CCDC136: variants seen among roughly 807,000 people sequenced by gnomAD.
CCDC136 encodes the protein coiled-coil domain-containing protein 136.
A neutral mutation model predicts 141.2 loss-of-function variants in CCDC136; 100 were observed. That is an observed-to-expected ratio of 0.71 (90% CI 0.60 to 0.84). CCDC136 has a LOEUF of 0.84. CCDC136 is among the 40% of genes least tolerant of loss of function. The pLI, the probability that CCDC136 is intolerant of heterozygous loss-of-function variation, is 0.00. For missense variants in CCDC136, 1,206 were observed against 1,379.4 expected (o/e 0.87, Z 1.99); for synonymous variants, 474 against 531.9 (o/e 0.89, Z 1.50).
chr7:128,814,540 GAC>G lies in CCDC136; in HGVS notation c.2764-96_2764-95del, dbSNP rs534969418. On this transcript the variant is annotated intron_variant, in intron 14 of 17. Transcript: ENST00000297788. Reference sequence around the variant, plus strand: ...TGGGCTTTAACAGGGAGATTTCTGAGACAGTGACCCCCAAGCAGGGCTGAGTT... The same window carrying G: ...TGGGCTTTAACAGGGAGATTTCTGAGAGTGACCCCCAAGCAGGGCTGAGTT... 55 of 870,528 alleles carry G rather than the reference GAC, an allele frequency of 6.3e-5. 1 individual carries two copies. The South Asian group carries it at 1.1e-3, about 17-fold the overall frequency. The allele number at this position is 870,528 out of a possible 1,614,324, so 53.9% of individuals were successfully genotyped here.
At chr7:128,791,407 C>T, upstream of CCDC136, 2 of 995,084 alleles carry the variant, frequency 2.0e-6, no homozygotes, top group Non-Finnish European at 2.6e-6. The surrounding 1 kb of genome is among the most constrained non-coding windows in gnomAD (Gnocchi z 7.1). Context: ...TCCGCCCTCC[C>T]TCCCTCCCTG....
chr7:128,806,432 C>T (rs1804850081), intron 8 of CCDC136, 37 bp downstream of exon 8: 2 of 1,551,560 alleles, frequency 1.3e-6, no homozygotes, highest in Admixed American at 1.9e-5. Context: ...AACTTAGGTG[C>T]TAAGGGCATC....
At chr7:128,820,815 C>T (rs1479072397) in intron 17 of CCDC136, among the ~76,000 whole-genome samples, 1 of 152,172 alleles carries the variant, frequency 6.6e-6, no homozygotes, top group Admixed American at 6.5e-5. Context: ...TTCTTAGTAG[C>T]TATTTCTATA....
At chr7:128,799,172 T>TAAAAAAAA (rs35342890) in intron 3 of CCDC136, among the ~76,000 whole-genome samples, 1 of 51,314 alleles carries the variant, frequency 1.9e-5, no homozygotes, top group Non-Finnish European at 3.4e-5. Flanking sequence ...ATCTCTACAT[T>TAAAAAAAA]AAAAAAAAAA....
rs774253941 is a variant in CCDC136, at chr7:128,817,779, C to G, written c.3385C>G (p.Pro1129Ala). 1 of 1,613,878 alleles carries G rather than the reference C, an allele frequency of 6.2e-7. No homozygotes were observed. Among genetic ancestry groups the G allele is most frequent in the South Asian group, 1.1e-5 (1 of 91,078 alleles). ...GCAGTCATCCCCTACCCCCAATCCC[C>G]CCATCTTCTCCTTGCCTCTTGTAGG... ...SKKSSPTPNP[P>A]IFSLPLVGLV... The change falls in exon 17 of 18, where the codon CCC becomes GCC. Residue 1129 changes from proline (P) to alanine (A), a missense_variant. Physicochemically the swap from Pro to Ala is conservative, Grantham distance 27. Coordinates refer to ENST00000297788, the MANE Select transcript of CCDC136 (RefSeq NM_022742.5). The surrounding 1 kb of genome is among the most constrained non-coding windows in gnomAD (Gnocchi z 4.6).
rs1804917200 is a variant in CCDC136, at chr7:128,806,799, G to A, written c.1360G>A (p.Glu454Lys). The change falls in exon 9 of 18, where the codon GAG (glutamate) becomes AAG (lysine). Residue 454 changes from glutamate to lysine, a missense_variant. Transcript: ENST00000297788. Reference protein sequence around the residue: ...QQLQEELQCHEAELQHLRDTV... With the variant: ...QQLQEELQCHKAELQHLRDTV... ...GCTGCAGGAGGAGCTGCAGTGCCAT[G>A]AGGCAGAGCTGCAGCACCTCAGGGA... 1 of 1,612,674 alleles carries A rather than the reference G, an allele frequency of 6.2e-7. No individual in the cohort carries two copies. The highest frequency in any genetic ancestry group is 1.3e-5 in the African/African-American group (1 of 75,050).
intron 15 of CCDC136, 60 bp from the exon 16 acceptor site, chr7:128,815,554 A>G: frequency 6.7e-7 from 1 of 1,486,310 alleles, no homozygotes; most frequent in South Asian, 1.4e-5. Context: ...CAGCATTGTC[A>G]TGAGATTAGG....
intron 4 of CCDC136, among the ~76,000 whole-genome samples, chr7:128,801,743 C>T (rs1202529550): frequency 6.6e-6 from 1 of 151,896 alleles, no homozygotes; most frequent in Non-Finnish European, 1.5e-5. Context: ...GCAGCCTGGG[C>T]AATGAAGTGA....
At position 128,812,711 on chromosome 7, in the gene CCDC136, T is replaced by C; in HGVS notation, c.2545T>C (p.Phe849Leu). Residue 849 changes from phenylalanine (F) to leucine (L), a missense_variant, in exon 14 of 18, where the codon TTT (phenylalanine) becomes CTT (leucine). Phe to Leu is a conservative substitution (Grantham distance 22). Transcript: ENST00000297788. ...GTTGCTCCCCCACCCCCCGCAGCGC[T>C]TTGAGGAAATGGTTGTGAAAGTGCT... Reference protein sequence around the residue: ...EPAEPEDMERFEEMVVKVLIK... With the variant: ...EPAEPEDMERLEEMVVKVLIK... 6.2e-7 allele frequency: 1 copy of C among 1,611,928 alleles called. No individual in the cohort carries two copies. Among genetic ancestry groups the C allele is most frequent in the Non-Finnish European group, 8.5e-7 (1 of 1,179,368 alleles).
chr7:128,810,192 C>G lies in CCDC136; in HGVS notation c.1854C>G (p.Tyr618Ter), dbSNP rs1476337213. ...LEDLCELQLL[Y>*]QGMQEEQKKL... ...ACCTGTGTGAGCTGCAGCTGCTCTACCAAGGCATGCAGGAGGAACAGAAGA... is the reference window on the plus strand; with the variant it reads ...ACCTGTGTGAGCTGCAGCTGCTCTAGCAAGGCATGCAGGAGGAACAGAAGA... Residue 618 changes from tyrosine (Y) to a stop codon, truncating the protein, a stop_gained, in exon 12 of 18, where the codon TAC becomes TAG. Coordinates refer to ENST00000297788, the MANE Select transcript of CCDC136 (RefSeq NM_022742.5). LOFTEE classifies it high-confidence loss of function. 1.2e-6 allele frequency: 2 copies of G among 1,608,854 alleles called. No individual in the cohort carries two copies. Among genetic ancestry groups the G allele is most frequent in the Admixed American group, 3.4e-5 (2 of 59,180 alleles).
intron 16 of CCDC136, 74 bp downstream of exon 16, chr7:128,816,005 C>G: frequency 1.4e-6 from 2 of 1,448,726 alleles, no homozygotes; most frequent in Non-Finnish European, 1.9e-6. Context: ...TAATGGGTGG[C>G]CCTGCCAAGG....
At chr7:128,796,739 A>ATATATATATATATATATATATAT in intron 3 of CCDC136, among the ~76,000 whole-genome samples, 1 of 113,382 alleles carries the variant, frequency 8.8e-6, no homozygotes, top group African/African-American at 4.6e-5. Context: ...ATATATATAT[A>ATATATATATATATATATATATAT]TTCTTTTTTT....
Position 128,822,005 on chromosome 7 carries a change from C to A in CCDC136, c.*212C>A. The A allele has an allele frequency of 8.0e-7, 1 of 1,252,526 alleles. No homozygotes were observed. 77.6% of individuals were successfully genotyped at this position (1,252,526 alleles called of 1,614,324 possible). ...GTGCCAGAACCCTCCCCATATGTTC[C>A]ATGTGTCCCCATCTCCTCAGCCTCA... On this transcript the variant is annotated 3_prime_UTR_variant, in exon 18 of 18. Transcript: ENST00000297788.
chr7:128,814,013 A>G (rs1806181715), intron 14 of CCDC136, among the ~76,000 whole-genome samples: 1 of 152,100 alleles, frequency 6.6e-6, no homozygotes, highest in African/African-American at 2.4e-5. Context: ...TAAATCCCTG[A>G]GGTTCAGAAT....
Position 128,822,130 on chromosome 7 carries a change from A to C in CCDC136, c.*337A>C. The C allele has an allele frequency of 8.6e-7, 1 of 1,166,764 alleles. No homozygotes were observed. The highest frequency in any genetic ancestry group is 1.1e-6 in the Non-Finnish European group (1 of 926,286). The allele number at this position is 1,166,764 out of a possible 1,614,324, so 72.3% of individuals were successfully genotyped here. On this transcript the variant is annotated 3_prime_UTR_variant, in exon 18 of 18. Coordinates refer to ENST00000297788, the MANE Select transcript of CCDC136 (RefSeq NM_022742.5). ...TGTAATTAAATATCAACTGAATTAC[A>C]TGAGACTGTGGATTTTTATTTGCTA... is the stretch of plus-strand genomic sequence containing the variant.
At chr7:128,807,009 G>T (rs1804963828) in intron 9 of CCDC136, among the ~76,000 whole-genome samples, 151 bp downstream of exon 9, 1 of 152,154 alleles carries the variant, frequency 6.6e-6, no homozygotes, top group Non-Finnish European at 1.5e-5. Flanking sequence ...ACCTCGGGGA[G>T]TCACAAGGCT....
chr7:128,817,721 TCTC>T lies in CCDC136; in HGVS notation c.3364-33_3364-31del, dbSNP rs1806847961. 7.2e-7 allele frequency: 1 copy of T among 1,392,674 alleles called. No homozygotes were observed. The highest frequency in any genetic ancestry group is 1.0e-6 in the Non-Finnish European group (1 of 978,098). The allele number at this position is 1,392,674 out of a possible 1,614,324, so 86.3% of individuals were successfully genotyped here. The stretch of plus-strand genomic sequence containing the variant: ...CGTTTATGTCTCACATCTCCTGGTC[TCTC>T]CTCGTGCTTCTTTCTCATTTTGGTG... On this transcript the variant is annotated intron_variant, in intron 16 of 17. Transcript: ENST00000297788. This position sits in a 1 kb window ranked among gnomAD's most constrained non-coding sequence, Gnocchi z 4.6.
chr7:128,805,189 G>T lies in CCDC136; in HGVS notation c.783-170G>T, dbSNP rs1453239616. On this transcript the variant is annotated intron_variant, in intron 5 of 17. Coordinates refer to ENST00000297788, the MANE Select transcript of CCDC136 (RefSeq NM_022742.5). The surrounding 1 kb of genome is among the most constrained non-coding windows in gnomAD (Gnocchi z 4.6). ...CCAAACACACCTTTGCAGATTGAGG[G>T]GCTGGAGACTTTCTGTAGTCTTTTA... 6.6e-6 allele frequency among the ~76,000 whole-genome samples: 1 copy of T among 152,086 alleles called. No individual in the cohort carries two copies. The highest frequency in any genetic ancestry group is 2.4e-5 in the African/African-American group (1 of 41,376).
chr7:128,798,485 CAA>C (rs368099565), intron 3 of CCDC136, among the ~76,000 whole-genome samples: 1 of 151,918 alleles, frequency 6.6e-6, no homozygotes, highest in African/African-American at 2.4e-5. Flanking sequence ...CCCCTGATCT[CAA>C]GTGATCCACC....
Sources: gnomAD v4.1 joint callset for allele counts (sites outside exome capture counted in the v4.1 genomes callset) on GRCh38, gnomAD v4.1.1 for gene constraint, Gnocchi (gnomAD v3.1) non-coding constraint, MANE v1.5 for transcripts, NCBI Gene and HGNC (gene_info 2026-07-23, HGNC 2026-07-21) for gene names.